THSD7B: variants seen among roughly 807,000 people sequenced by gnomAD.
The protein encoded by THSD7B is thrombospondin type 1 domain containing 7B.
A neutral mutation model predicts 213.6 loss-of-function variants in THSD7B; 138 were observed. That is an observed-to-expected ratio of 0.65 (90% CI 0.56 to 0.74). The LOEUF is 0.74. Among genes scored for constraint, THSD7B ranks in the 30% least tolerant of loss-of-function variants. The probability of loss-of-function intolerance (pLI) is 0.00; values close to 1 mark genes in which losing one functional copy is unlikely to be tolerated. For missense variants in THSD7B, 1,931 were observed against 1,991.5 expected, an observed-to-expected ratio of 0.97 and a Z score of 0.58; for synonymous variants, 742 against 687.0, an observed-to-expected ratio of 1.08 and a Z score of -1.25.
chr2:137,495,944 TA>T (rs1204348749), intron 15 of THSD7B, among the ~76,000 whole-genome samples: 1 of 152,194 alleles, frequency 6.6e-6, no homozygotes, highest in Non-Finnish European at 1.5e-5. Context: ...ACAGAATTTT[TA>T]TTTTTCATAT....
intron 2 of THSD7B, among the ~76,000 whole-genome samples, chr2:136,919,359 TC>T (rs1684397833): frequency 6.6e-6 from 1 of 152,244 alleles, no homozygotes; most frequent in Non-Finnish European, 1.5e-5. Context: ...AGTGTTTCCT[TC>T]CCTTTCTTGT....
At chr2:137,482,608 G>A (rs1005882739) in intron 15 of THSD7B, among the ~76,000 whole-genome samples, 1 of 152,140 alleles carries the variant, frequency 6.6e-6, no homozygotes, top group African/African-American at 2.4e-5. Flanking sequence ...ATGCCTGACA[G>A]CATTCTTAAA....
intron 12 of THSD7B, among the ~76,000 whole-genome samples, chr2:137,311,516 G>T (rs984889774): frequency 6.6e-5 from 10 of 151,906 alleles, no homozygotes; most frequent in African/African-American, 1.9e-4. Flanking sequence ...CTCCCTAATT[G>T]CCCTGAACAG....
intron 15 of THSD7B, among the ~76,000 whole-genome samples, chr2:137,494,679 CT>C (rs1400607284): frequency 6.6e-6 from 1 of 152,190 alleles, no homozygotes; most frequent in East Asian, 1.9e-4. Flanking sequence ...CTTACATCTA[CT>C]TTTAACTTCT....
rs137886462 is a variant in THSD7B, at chr2:137,298,869, G to A, written c.2500+22843G>A. ...CCAGGCAGAAGTTTGCTGCAGGGGCGGGGCCCTCATGGAGAACCTCTGCTA... is the reference window on the plus strand; with the variant it reads ...CCAGGCAGAAGTTTGCTGCAGGGGCAGGGCCCTCATGGAGAACCTCTGCTA... On this transcript the variant is annotated intron_variant, in intron 12 of 27. Coordinates refer to ENST00000409968, the MANE Select transcript of THSD7B (RefSeq NM_001316349.2). Among the ~76,000 whole-genome samples, 1,150 of 152,264 alleles carry A rather than the reference G, an allele frequency of 7.6e-3. 13 individuals carry two copies. Among genetic ancestry groups the A allele is most frequent in the African/African-American group, 0.027 (1,102 of 41,562 alleles).
intron 1 of THSD7B, among the ~76,000 whole-genome samples, chr2:136,851,836 A>G (rs1004527935): frequency 2.0e-5 from 3 of 152,124 alleles, no homozygotes; most frequent in Non-Finnish European, 4.4e-5. Flanking sequence ...AAGGATGTGG[A>G]AATATCCTGC....
At chr2:136,895,005 G>A (rs1683930297) in intron 2 of THSD7B, among the ~76,000 whole-genome samples, 1 of 152,174 alleles carries the variant, frequency 6.6e-6, no homozygotes, top group Admixed American at 6.5e-5. Flanking sequence ...AGAACTGACA[G>A]TCTGTGGCAT....
At chr2:136,940,990 T>A (rs1573723131) in intron 2 of THSD7B, among the ~76,000 whole-genome samples, 1 of 151,974 alleles carries the variant, frequency 6.6e-6, no homozygotes, top group African/African-American at 2.4e-5. Flanking sequence ...TTTCTCCTAA[T>A]GCTATCCTTC....
At chr2:137,641,473 A>G (rs1682936108) in intron 20 of THSD7B, among the ~76,000 whole-genome samples, 1 of 152,228 alleles carries the variant, frequency 6.6e-6, no homozygotes. Context: ...CACAAATACA[A>G]TTACATAATT....
intron 2 of THSD7B, among the ~76,000 whole-genome samples, chr2:137,008,065 T>G (rs1227915288): frequency 6.6e-6 from 1 of 152,130 alleles, no homozygotes; most frequent in Non-Finnish European, 1.5e-5. Flanking sequence ...TCATATCTAA[T>G]CTATTATCTA....
chr2:136,946,763 G>T (rs955955758), intron 2 of THSD7B, among the ~76,000 whole-genome samples: 6 of 152,136 alleles, frequency 3.9e-5, no homozygotes, highest in African/African-American at 7.2e-5. Context: ...AGTGAGCAAG[G>T]CTCCATGGGT....
At chr2:137,314,897 C>G (rs1018188788) in intron 12 of THSD7B, among the ~76,000 whole-genome samples, 1 of 152,234 alleles carries the variant, frequency 6.6e-6, no homozygotes, top group Non-Finnish European at 1.5e-5. Flanking sequence ...GGGAGAACCA[C>G]TGCTCTCTTC....
chr2:137,102,021 G>A (rs1018528053), intron 4 of THSD7B, among the ~76,000 whole-genome samples: 1 of 152,218 alleles, frequency 6.6e-6, no homozygotes, highest in African/African-American at 2.4e-5. Flanking sequence ...TGACCTCCCA[G>A]CACAGCACTC....
intron 12 of THSD7B, among the ~76,000 whole-genome samples, chr2:137,276,684 T>C (rs2104812162): frequency 6.6e-6 from 1 of 152,216 alleles, no homozygotes; most frequent in Admixed American, 6.6e-5. Flanking sequence ...GTGCCAGTTG[T>C]AGGAAGCTTG....
chr2:137,190,296 C>T (rs187850372), intron 7 of THSD7B, among the ~76,000 whole-genome samples: 26 of 152,202 alleles, frequency 1.7e-4, no homozygotes, highest in Non-Finnish European at 1.8e-4. Context: ...ATGTACCAGG[C>T]GCTTAGTGCA....
At chr2:137,470,008 G>A (rs1688062500) in intron 15 of THSD7B, among the ~76,000 whole-genome samples, 2 of 152,154 alleles carry the variant, frequency 1.3e-5, no homozygotes, top group South Asian at 2.1e-4. Context: ...TTAGTACTAA[G>A]TACAAATTTT....
chr2:137,616,273 C>A lies in THSD7B; in HGVS notation c.3522C>A (p.Cys1174Ter). The change falls in exon 18 of 28, where the codon TGC becomes TGA. Residue 1174 changes from cysteine (C) to a stop codon, truncating the protein, a stop_gained. Transcript: ENST00000409968. LOFTEE classifies it high-confidence loss of function. ...CTGAAGACTCACAGGTGCAGCCTTG[C>A]CTCCTGAATGAAAATTGCTTCCAGT... is the stretch of plus-strand genomic sequence containing the variant. ...TCAEDSQVQP[C>*]LLNENCFQFQ... 2 of 1,613,610 alleles carry A rather than the reference C, an allele frequency of 1.2e-6. No individual in the cohort carries two copies. Among genetic ancestry groups the A allele is most frequent in the Non-Finnish European group, 1.7e-6 (2 of 1,179,640 alleles).
intron 14 of THSD7B, among the ~76,000 whole-genome samples, chr2:137,426,328 A>G (rs967998650): frequency 2.0e-5 from 3 of 152,126 alleles, no homozygotes; most frequent in Non-Finnish European, 4.4e-5. Flanking sequence ...GAAAAAAAAA[A>G]TCCTACAATT....
chr2:136,883,074 C>A (rs1311176949), intron 2 of THSD7B, among the ~76,000 whole-genome samples: 4 of 152,050 alleles, frequency 2.6e-5, no homozygotes, highest in Non-Finnish European at 5.9e-5. Context: ...GTTTCACAAT[C>A]AGATCATTTA....
Sources: allele counts gnomAD v4.1 joint callset (sites outside exome capture counted in the v4.1 genomes callset), GRCh38; gene constraint gnomAD v4.1.1; transcripts MANE v1.5; gene names NCBI Gene and HGNC (gene_info 2026-07-23, HGNC 2026-07-21).